The following MBOAT2 variants were observed in gnomAD, a reference collection of about 807,000 sequenced individuals.
MBOAT2 encodes the protein membrane bound glycerophospholipid O-acyltransferase 2.
Under a neutral mutation model 63.4 loss-of-function variants are expected in MBOAT2, and 28 were observed. The observed-to-expected ratio is 0.44, with a 90% CI of 0.33 to 0.61. The LOEUF is 0.61. Among genes scored for constraint, MBOAT2 ranks in the 20% least tolerant of loss-of-function variants. The pLI is 0.03. For missense variants in MBOAT2, 470 were observed against 605.8 expected (o/e 0.78, Z 2.35); for synonymous variants, 211 against 215.6 (o/e 0.98, Z 0.19).
intron 1 of MBOAT2, among the ~76,000 whole-genome samples, chr2:8,977,060 C>T (rs1052175013): frequency 2.0e-5 from 3 of 152,068 alleles, no homozygotes; most frequent in African/African-American, 2.4e-5. Flanking sequence ...AGGAGGGAGA[C>T]GGTACTGAAG....
intron 2 of MBOAT2, among the ~76,000 whole-genome samples, chr2:8,953,342 G>A (rs537340955): frequency 2.9e-4 from 44 of 152,226 alleles, no homozygotes; most frequent in Middle Eastern, 3.4e-3. Context: ...TATATAACTT[G>A]CCCTTTTTCT....
intron 2 of MBOAT2, among the ~76,000 whole-genome samples, chr2:8,946,609 G>A (rs1166527983): frequency 6.6e-6 from 1 of 152,116 alleles, no homozygotes; most frequent in Non-Finnish European, 1.5e-5. Flanking sequence ...GAGACTTCAT[G>A]TCTCTCTGGC....
At chr2:8,977,983 G>A (rs1670937424) in intron 1 of MBOAT2, among the ~76,000 whole-genome samples, 1 of 151,986 alleles carries the variant, frequency 6.6e-6, no homozygotes, top group East Asian at 1.9e-4. Flanking sequence ...TTCTTATCTG[G>A]ACAATAGCTC....
intron 2 of MBOAT2, among the ~76,000 whole-genome samples, chr2:8,944,591 T>G (rs1484185305): frequency 6.6e-6 from 1 of 151,942 alleles, no homozygotes; most frequent in African/African-American, 2.4e-5. Flanking sequence ...AAGGCAGGCC[T>G]GTAGGAGAAA....
At position 8,858,555 on chromosome 2, in the gene MBOAT2, A is replaced by G. The variant is rs775693154; in HGVS notation, c.*124T>C. ...CAATCTGGTGTACAGGAAATTCCTT[A>G]TCTATAACTGTCCATTTCCCCCCAG... is the stretch of plus-strand genomic sequence containing the variant. On this transcript the variant is annotated 3_prime_UTR_variant, in exon 13 of 13. Transcript: ENST00000305997. The G allele has an allele frequency of 1.0e-3, 706 of 691,006 alleles. No homozygotes were observed. Among genetic ancestry groups the G allele is most frequent in the Non-Finnish European group, 1.0e-3 (427 of 416,244 alleles). The allele number at this position is 691,006 out of a possible 1,614,324, so 42.8% of individuals were successfully genotyped here. A position where few individuals can be genotyped will look rare whatever the true frequency, so the allele number is the denominator to read the frequency against.
intron 6 of MBOAT2, among the ~76,000 whole-genome samples, chr2:8,877,696 G>T (rs141137450): frequency 1.3e-5 from 2 of 152,220 alleles, no homozygotes; most frequent in African/African-American, 4.8e-5. Flanking sequence ...CAAAAAGAAG[G>T]AACTCTTTTA....
At chr2:8,865,323 T>G (rs1661793867) in intron 9 of MBOAT2, among the ~76,000 whole-genome samples, 1 of 152,218 alleles carries the variant, frequency 6.6e-6, no homozygotes, top group Non-Finnish European at 1.5e-5. Context: ...TAAGTTGGCC[T>G]CCTACTTTAC....
chr2:8,867,133 C>T (rs561036927), intron 9 of MBOAT2, among the ~76,000 whole-genome samples: 6 of 152,132 alleles, frequency 3.9e-5, no homozygotes, highest in Non-Finnish European at 8.8e-5. Flanking sequence ...CGGCTCACTG[C>T]AGCCTGCTGA....
At chr2:8,910,868 C>G (rs1350586187) in intron 3 of MBOAT2, among the ~76,000 whole-genome samples, 1 of 152,178 alleles carries the variant, frequency 6.6e-6, no homozygotes, top group African/African-American at 2.4e-5. Context: ...ATTTTACCCA[C>G]AGGAAGCAGT....
chr2:8,886,003 C>T (rs1438576912), intron 5 of MBOAT2, among the ~76,000 whole-genome samples: 1 of 152,186 alleles, frequency 6.6e-6, no homozygotes. Context: ...GTCCCCTACA[C>T]CGATAGGAAA....
chr2:8,899,797 G>A (rs886519141), intron 4 of MBOAT2, among the ~76,000 whole-genome samples: 2 of 152,200 alleles, frequency 1.3e-5, no homozygotes, highest in African/African-American at 4.8e-5. Context: ...TGAGGGCCAT[G>A]ACTAAGGCTG....
intron 3 of MBOAT2, among the ~76,000 whole-genome samples, chr2:8,940,950 A>C (rs1668011271): frequency 6.6e-6 from 1 of 152,188 alleles, no homozygotes; most frequent in Non-Finnish European, 1.5e-5. Flanking sequence ...AAACAAACAG[A>C]TTGTATTCGA....
Position 8,903,012 on chromosome 2 carries a change from C to T in MBOAT2, c.395+5609G>A, listed in dbSNP as rs564402918. Among the ~76,000 whole-genome samples the T allele has an allele frequency of 3.2e-4, 48 of 152,218 alleles. No homozygotes were observed. In the South Asian group the frequency reaches 6.0e-3, roughly 19 times the overall value. ...CCGTTTTATAGAGTGCTGATTGGTG[C>T]GTTTACAATCCTTTAGGTAGACACA... On this transcript the variant is annotated intron_variant, in intron 4 of 12. Transcript: ENST00000305997.
chr2:8,876,681 A>G (rs1230487700), intron 7 of MBOAT2, among the ~76,000 whole-genome samples: 1 of 152,002 alleles, frequency 6.6e-6, no homozygotes, highest in Non-Finnish European at 1.5e-5. Flanking sequence ...TAAGAAAGAA[A>G]TAAGAAAGAA....
intron 1 of MBOAT2, among the ~76,000 whole-genome samples, chr2:8,969,897 T>C (rs1670317090): frequency 6.6e-6 from 1 of 152,240 alleles, no homozygotes; most frequent in South Asian, 2.1e-4. Context: ...ACAAACAGAC[T>C]TAGACTCACA....
At chr2:8,955,546 G>C (rs546863145) in intron 2 of MBOAT2, among the ~76,000 whole-genome samples, 6 of 152,190 alleles carry the variant, frequency 3.9e-5, no homozygotes, top group Non-Finnish European at 8.8e-5. Context: ...AGCTCAGAGA[G>C]TTGATCTTTA....
chr2:8,899,997 C>T (rs1230862091), intron 4 of MBOAT2, among the ~76,000 whole-genome samples: 1 of 152,174 alleles, frequency 6.6e-6, no homozygotes, highest in Non-Finnish European at 1.5e-5. Flanking sequence ...AATTGACCCT[C>T]TAGTGATTTG....
intron 1 of MBOAT2, among the ~76,000 whole-genome samples, chr2:8,991,633 C>T (rs765971908): frequency 6.6e-5 from 10 of 152,184 alleles, no homozygotes; most frequent in Non-Finnish European, 1.0e-4. Context: ...TCTCAGAACA[C>T]AAGTGTACTT....
At chr2:8,863,452 G>A (rs753493464) in intron 10 of MBOAT2, among the ~76,000 whole-genome samples, 1 of 152,192 alleles carries the variant, frequency 6.6e-6, no homozygotes, top group Non-Finnish European at 1.5e-5. Flanking sequence ...CCCTGGGAGG[G>A]TGTGCTGTTC....
Sources: gnomAD v4.1 joint callset for allele counts (sites outside exome capture counted in the v4.1 genomes callset) on GRCh38, gnomAD v4.1.1 for gene constraint, MANE v1.5 for transcripts, NCBI Gene and HGNC (gene_info 2026-07-23, HGNC 2026-07-21) for gene names.